Variants in THSD7A observed in about 807,000 individuals in gnomAD.
THSD7A encodes the protein thrombospondin type-1 domain-containing protein 7A.
THSD7A carries 96 observed loss-of-function variants against 231.3 expected under a neutral mutation model. The ratio of observed to expected loss-of-function variants is 0.41; its 90% CI spans 0.35 to 0.49. THSD7A has a LOEUF of 0.49. Ranked by LOEUF, THSD7A falls within the 20% of genes least tolerant of loss-of-function variation. The pLI is 0.05. For synonymous variants in THSD7A, 940 were observed against 743.3 expected (o/e 1.26, Z -4.30); for missense variants, 2,290 against 2,070.2 (o/e 1.11, Z -2.06).
Position 11,481,828 on chromosome 7 carries a change from C to G in THSD7A, c.1977G>C (p.Gln659His), listed in dbSNP as rs772353143. ...AGGCCAGAATGGATCGTGCTCGTAT[C>G]TGTTTCCCTTCTGTCGTTTTCCCTG... is the stretch of plus-strand genomic sequence containing the variant. ...TCSGKTTEGKQIRARSILAYA... is the reference protein window; with the variant it reads ...TCSGKTTEGKHIRARSILAYA... Residue 659 changes from glutamine (Q) to histidine (H), a missense_variant, in exon 7 of 28, where the codon CAG (glutamine) becomes CAC (histidine). By Grantham distance (24) the Gln-to-His change is conservative. Coordinates refer to ENST00000423059, the MANE Select transcript of THSD7A (RefSeq NM_015204.3). The G allele has an allele frequency of 1.2e-6, 2 of 1,613,652 alleles. No individual in the cohort carries two copies.
At chr7:11,505,539 C>T (rs912911559) in intron 6 of THSD7A, among the ~76,000 whole-genome samples, 24 of 151,464 alleles carry the variant, frequency 1.6e-4, no homozygotes, top group African/African-American at 5.3e-4. Context: ...AGAAACCCTG[C>T]CAAAGATAGA....
chr7:11,554,284 C>T (rs7792827), intron 4 of THSD7A, among the ~76,000 whole-genome samples: 26,149 of 151,850 alleles, frequency 0.17, 2,263 homozygotes, highest in Admixed American at 0.19. Flanking sequence ...ATGAGAAGGC[C>T]ATGTGAAGGC....
In THSD7A at chr7:11,373,345, T is replaced by TTAAC. The variant is rs1476542044; in HGVS notation, c.*2445_*2448dup. On this transcript the variant is annotated 3_prime_UTR_variant, in exon 28 of 28. Transcript: ENST00000423059. ...TCAAGTAACCACAATAGAGTCTTTC[T>TTAAC]TAACTATTTTGGACAAATGGAGTTT... The TTAAC allele has an allele frequency of 1.3e-5, 2 of 152,022 alleles. No individual in the cohort carries two copies. Among genetic ancestry groups the TTAAC allele is most frequent in the Admixed American group, 6.6e-5 (1 of 15,236 alleles). 9.4% of individuals were successfully genotyped at this position (152,022 alleles called of 1,614,324 possible). A position where few individuals can be genotyped will look rare whatever the true frequency, so the allele number is the denominator to read the frequency against.
intron 1 of THSD7A, among the ~76,000 whole-genome samples, chr7:11,675,156 T>G (rs1030457577): frequency 5.8e-4 from 88 of 151,850 alleles, no homozygotes; most frequent in African/African-American, 2.0e-3. Flanking sequence ...ACCCAGGAAG[T>G]GCAAGGGGTC....
At chr7:11,656,724 G>A (rs1461177810) in intron 1 of THSD7A, among the ~76,000 whole-genome samples, 1 of 151,658 alleles carries the variant, frequency 6.6e-6, no homozygotes, top group Non-Finnish European at 1.5e-5. Context: ...ACATATCATT[G>A]CCCATCCAGC....
chr7:11,693,553 T>C (rs1562481627), intron 1 of THSD7A, among the ~76,000 whole-genome samples: 1 of 151,514 alleles, frequency 6.6e-6, no homozygotes, highest in South Asian at 2.1e-4. Flanking sequence ...GTCAGAATAG[T>C]AAAGTTAGGG....
At chr7:11,524,777 A>T (rs749231689) in intron 6 of THSD7A, among the ~76,000 whole-genome samples, 6 of 152,204 alleles carry the variant, frequency 3.9e-5, no homozygotes, top group African/African-American at 1.2e-4. Flanking sequence ...GAGGAAGGGT[A>T]AAAGTGGAAA....
At chr7:11,686,013 A>T (rs979285371) in intron 1 of THSD7A, among the ~76,000 whole-genome samples, 2 of 151,938 alleles carry the variant, frequency 1.3e-5, no homozygotes, top group African/African-American at 4.8e-5. Context: ...GTACATATAC[A>T]CCATGGAATA....
At chr7:11,800,369 T>G (rs529542212) in intron 1 of THSD7A, among the ~76,000 whole-genome samples, 1 of 152,114 alleles carries the variant, frequency 6.6e-6, no homozygotes, top group East Asian at 1.9e-4. Context: ...GCCAACATGG[T>G]GAAACCCTGT....
chr7:11,803,538 A>G (rs1340109084), intron 1 of THSD7A, among the ~76,000 whole-genome samples: 2 of 152,138 alleles, frequency 1.3e-5, no homozygotes, highest in Non-Finnish European at 2.9e-5. Context: ...AGGAGAAAGA[A>G]ATACTAGATT....
chr7:11,580,139 T>C (rs890779974), intron 4 of THSD7A, among the ~76,000 whole-genome samples: 1 of 152,234 alleles, frequency 6.6e-6, no homozygotes, highest in African/African-American at 2.4e-5. Flanking sequence ...AAATCAACTC[T>C]TGATTATAAT....
chr7:11,654,998 G>A (rs376886321), intron 1 of THSD7A, among the ~76,000 whole-genome samples: 2 of 151,786 alleles, frequency 1.3e-5, no homozygotes, highest in African/African-American at 2.4e-5. Flanking sequence ...ATAGTGCAAC[G>A]TTTTATAGCC....
intron 1 of THSD7A, among the ~76,000 whole-genome samples, chr7:11,732,920 A>G (rs1465381376): frequency 6.6e-6 from 1 of 151,870 alleles, no homozygotes; most frequent in African/African-American, 2.4e-5. Flanking sequence ...TGTACCACTT[A>G]TTAGCATTGA....
At chr7:11,690,397 A>C (rs1294253080) in intron 1 of THSD7A, among the ~76,000 whole-genome samples, 1 of 151,774 alleles carries the variant, frequency 6.6e-6, no homozygotes, top group African/African-American at 2.4e-5. Context: ...CTGCTCAGTT[A>C]TCTCTCTTTT....
intron 6 of THSD7A, 73 bp downstream of exon 6, chr7:11,541,346 A>G: frequency 7.0e-7 from 1 of 1,429,894 alleles, no homozygotes; most frequent in African/African-American, 1.4e-5. Flanking sequence ...AAGACACAGG[A>G]TTTTAACAGA....
chr7:11,454,726 C>T (rs1317522130), intron 11 of THSD7A, among the ~76,000 whole-genome samples: 1 of 151,668 alleles, frequency 6.6e-6, no homozygotes, highest in Non-Finnish European at 1.5e-5. Flanking sequence ...AGAGGCTGGG[C>T]CTAGTACCAT....
At chr7:11,745,763 G>A (rs964005401) in intron 1 of THSD7A, among the ~76,000 whole-genome samples, 3 of 151,968 alleles carry the variant, frequency 2.0e-5, no homozygotes, top group Non-Finnish European at 4.4e-5. Context: ...GTAGATATGT[G>A]GCATTATTTC....
chr7:11,400,362 C>A (rs1411263476), intron 23 of THSD7A, among the ~76,000 whole-genome samples: 6 of 152,132 alleles, frequency 3.9e-5, no homozygotes, highest in Non-Finnish European at 8.8e-5. Context: ...TCATTTTTAA[C>A]TTTTCTCCCT....
intron 1 of THSD7A, among the ~76,000 whole-genome samples, chr7:11,707,216 C>T (rs1167049892): frequency 2.7e-5 from 4 of 150,818 alleles, no homozygotes; most frequent in Non-Finnish European, 4.5e-5. Flanking sequence ...TCTCTTATTC[C>T]TTCCATTGCT....
Sources: gnomAD v4.1 joint callset for allele counts (sites outside exome capture counted in the v4.1 genomes callset) on GRCh38, gnomAD v4.1.1 for gene constraint, MANE v1.5 for transcripts, NCBI Gene and HGNC (gene_info 2026-07-23, HGNC 2026-07-21) for gene names.